Variants in NOVA1 observed in about 807,000 individuals in gnomAD.
NOVA1 encodes RNA-binding protein Nova-1.
A neutral mutation model predicts 38.0 loss-of-function variants in NOVA1; 7 were observed. The observed-to-expected ratio is 0.18, with a 90% CI of 0.10 to 0.35. NOVA1 has a LOEUF of 0.35. NOVA1 is among the 10% of genes least tolerant of loss of function. The pLI, the probability that NOVA1 is intolerant of heterozygous loss-of-function variation, is 1.00. For synonymous variants in NOVA1, 270 were observed against 232.5 expected, an observed-to-expected ratio of 1.16 and a Z score of -1.47; for missense variants, 460 against 616.0, an observed-to-expected ratio of 0.75 and a Z score of 2.68.
intron 2 of NOVA1, among the ~76,000 whole-genome samples, chr14:26,525,830 T>A (rs1889254435): frequency 6.6e-6 from 1 of 151,986 alleles, no homozygotes; most frequent in Admixed American, 6.6e-5. Context: ...CTGATCTCTA[T>A]CCCACAAAGT....
rs527481145 is a variant in NOVA1, at chr14:26,530,147, T to A, written c.281-50004A>T. ...GTTAGCCAGGATGGTCTCGATCTCC[T>A]GACCTCATGATCCGCCTGCCTCGGC... On this transcript the variant is annotated intron_variant, in intron 2 of 4. Transcript: ENST00000539517. Among the ~76,000 whole-genome samples the A allele has an allele frequency of 3.3e-5, 5 of 152,298 alleles. No individual in the cohort carries two copies. The East Asian group carries it at 9.7e-4, about 29-fold the overall frequency.
intron 2 of NOVA1, among the ~76,000 whole-genome samples, chr14:26,484,446 A>C (rs1453258255): frequency 1.2e-4 from 18 of 150,574 alleles, no homozygotes; most frequent in South Asian, 8.3e-4. Context: ...AAAAAAAAAA[A>C]AAAAAAAAAA....
At chr14:26,558,343 G>A (rs1415350243) in intron 2 of NOVA1, among the ~76,000 whole-genome samples, 2 of 152,090 alleles carry the variant, frequency 1.3e-5, no homozygotes, top group African/African-American at 4.8e-5. Context: ...TTCAACACAG[G>A]TGGATGGCTA....
At chr14:26,466,776 C>T (rs1884177434) in intron 4 of NOVA1, among the ~76,000 whole-genome samples, 1 of 152,112 alleles carries the variant, frequency 6.6e-6, no homozygotes, top group Non-Finnish European at 1.5e-5. Context: ...AATGAGCTTT[C>T]AGGAGTTGAG....
At chr14:26,541,818 AC>A (rs1008592542) in intron 2 of NOVA1, among the ~76,000 whole-genome samples, 5 of 151,804 alleles carry the variant, frequency 3.3e-5, no homozygotes, top group Admixed American at 6.6e-5. Context: ...ACTGAGACTC[AC>A]TTGGCCATAT....
At chr14:26,515,246 C>T (rs1888378166) in intron 2 of NOVA1, among the ~76,000 whole-genome samples, 1 of 151,794 alleles carries the variant, frequency 6.6e-6, no homozygotes, top group East Asian at 1.9e-4. Flanking sequence ...TTAACAATGA[C>T]TGTAATGTGT....
chr14:26,479,648 T>C (rs999247209), intron 3 of NOVA1: 11 of 300,702 alleles, frequency 3.7e-5, no homozygotes, highest in Non-Finnish European at 5.4e-5. Flanking sequence ...GAAATACTTA[T>C]ACTTTATTTA....
intron 4 of NOVA1, among the ~76,000 whole-genome samples, chr14:26,466,064 G>A (rs575048312): frequency 9.1e-4 from 138 of 152,220 alleles, no homozygotes; most frequent in Non-Finnish European, 1.7e-3. Flanking sequence ...ACTAGAAAGC[G>A]ATGAAGATGT....
At chr14:26,468,172 T>C (rs1884293470) in intron 4 of NOVA1, among the ~76,000 whole-genome samples, 2 of 152,154 alleles carry the variant, frequency 1.3e-5, no homozygotes, top group Admixed American at 1.3e-4. Context: ...CCTACTGGCC[T>C]TGCAAGAAGC....
intron 2 of NOVA1, among the ~76,000 whole-genome samples, chr14:26,568,149 C>T (rs1259579844): frequency 6.6e-6 from 1 of 152,198 alleles, no homozygotes; most frequent in Non-Finnish European, 1.5e-5. Flanking sequence ...GTTTTTAACA[C>T]ATATTGCTAA....
At chr14:26,578,694 A>G (rs1221496282) in intron 2 of NOVA1, among the ~76,000 whole-genome samples, 1 of 152,230 alleles carries the variant, frequency 6.6e-6, no homozygotes, top group Non-Finnish European at 1.5e-5. Context: ...ACTTAATATC[A>G]TCATATATTG....
chr14:26,573,290 C>A (rs1441426482), intron 2 of NOVA1, among the ~76,000 whole-genome samples: 2 of 151,856 alleles, frequency 1.3e-5, no homozygotes, highest in Non-Finnish European at 2.9e-5. Context: ...AATAAAGATA[C>A]CATGAACTCT....
intron 2 of NOVA1, among the ~76,000 whole-genome samples, chr14:26,579,699 T>C (rs929946847): frequency 6.6e-6 from 1 of 151,912 alleles, no homozygotes; most frequent in Admixed American, 6.6e-5. Flanking sequence ...CAAGAATATG[T>C]GTAATGACTC....
chr14:26,578,444 G>A (rs1228124863), intron 2 of NOVA1, among the ~76,000 whole-genome samples: 1 of 152,056 alleles, frequency 6.6e-6, no homozygotes, highest in Non-Finnish European at 1.5e-5. Flanking sequence ...CAGGAAAGTG[G>A]AGAAAGAATT....
intron 2 of NOVA1, among the ~76,000 whole-genome samples, chr14:26,574,576 G>C (rs957591044): frequency 4.6e-5 from 7 of 151,876 alleles, no homozygotes; most frequent in Non-Finnish European, 1.0e-4. Flanking sequence ...TTTAAATAGA[G>C]GGGCATAAAT....
chr14:26,544,427 T>G (rs1890662330), intron 2 of NOVA1, among the ~76,000 whole-genome samples: 1 of 151,246 alleles, frequency 6.6e-6, no homozygotes, highest in Non-Finnish European at 1.5e-5. Flanking sequence ...TCCCTGAACT[T>G]CAGAAAACCT....
At chr14:26,532,075 TAATTG>T (rs1157545853) in intron 2 of NOVA1, among the ~76,000 whole-genome samples, 1 of 152,188 alleles carries the variant, frequency 6.6e-6, no homozygotes, top group Non-Finnish European at 1.5e-5. Flanking sequence ...GGATCTGGAC[TAATTG>T]GAGAGCTCAT....
intron 2 of NOVA1, among the ~76,000 whole-genome samples, chr14:26,557,315 T>C (rs1452147137): frequency 6.6e-6 from 1 of 152,132 alleles, no homozygotes; most frequent in Non-Finnish European, 1.5e-5. Context: ...CATCACCATA[T>C]GTTGGGGAGG....
At chr14:26,463,730 T>C (rs1289754738) in intron 4 of NOVA1, among the ~76,000 whole-genome samples, 1 of 152,210 alleles carries the variant, frequency 6.6e-6, no homozygotes, top group Non-Finnish European at 1.5e-5. Flanking sequence ...AAGTCATCCT[T>C]GATTTCGTAC....
Sources: allele counts gnomAD v4.1 joint callset (sites outside exome capture counted in the v4.1 genomes callset), GRCh38; gene constraint gnomAD v4.1.1; transcripts MANE v1.5; gene names NCBI Gene and HGNC (gene_info 2026-07-23, HGNC 2026-07-21).